TTC23L: variants seen among roughly 807,000 people sequenced by gnomAD.
TTC23L encodes the protein tetratricopeptide repeat protein 23-like.
Under a neutral mutation model 48.1 loss-of-function variants are expected in TTC23L, and 42 were observed. The observed-to-expected ratio is 0.87, with a 90% CI of 0.68 to 1.13. The LOEUF is 1.13. Ranked by LOEUF, TTC23L falls within the 50% of genes most tolerant of loss-of-function variation. The pLI is 0.00. For missense variants in TTC23L, 391 were observed against 421.0 expected, an observed-to-expected ratio of 0.93 and a Z score of 0.62; for synonymous variants, 159 against 157.2, an observed-to-expected ratio of 1.01 and a Z score of -0.09.
chr5:34,839,767 T>C (rs967606293), intron 1 of TTC23L: 7 of 447,996 alleles, frequency 1.6e-5, no homozygotes, highest in Non-Finnish European at 1.8e-5. Context: ...TTGGGTTTGA[T>C]TTAAGCGACT....
At chr5:34,911,795 G>A in the TTC23L span, 1,126 of 1,614,112 alleles carry the variant, frequency 7.0e-4, no homozygotes, top group Non-Finnish European at 9.1e-4. Flanking sequence ...TAACACATTC[G>A]AAGTGCAGTT....
At chr5:34,879,110 A>C (rs542817680) in intron 8 of TTC23L, among the ~76,000 whole-genome samples, 2 of 152,350 alleles carry the variant, frequency 1.3e-5, no homozygotes, top group Admixed American at 6.5e-5. Context: ...GTCAAGTATC[A>C]AGGTTTCACT....
chr5:34,908,838 T>C, the TTC23L span: 1 of 1,613,380 alleles, frequency 6.2e-7, no homozygotes, highest in South Asian at 1.1e-5. Flanking sequence ...TCCATCTTCA[T>C]TTCTAATCAT....
chr5:34,866,758 T>C, intron 6 of TTC23L, 134 bp from the exon 7 acceptor site: 1 of 747,048 alleles, frequency 1.3e-6, no homozygotes, highest in Admixed American at 3.0e-5. Context: ...ACAGCAAGGC[T>C]AGATTTTTGA....
the TTC23L span, chr5:34,911,531 A>C: frequency 6.2e-7 from 1 of 1,611,890 alleles, no homozygotes; most frequent in Non-Finnish European, 8.5e-7. Context: ...CACATTAACT[A>C]TAACTGCACT....
chr5:34,869,628 T>G (rs546195573), intron 8 of TTC23L: 2 of 152,560 alleles, frequency 1.3e-5, no homozygotes, highest in African/African-American at 2.4e-5. Context: ...TGGACACTGA[T>G]GGATTCAGTG....
intron 3 of TTC23L, among the ~76,000 whole-genome samples, chr5:34,847,607 C>T (rs1308101757): frequency 1.3e-5 from 2 of 152,024 alleles, no homozygotes; most frequent in Non-Finnish European, 2.9e-5. Flanking sequence ...CCCGGTTTCT[C>T]CAAGTCAAGG....
At chr5:34,845,623 A>G in exon 3 of TTC23L, 1 of 1,613,846 alleles carries the variant, frequency 6.2e-7, no homozygotes, top group African/African-American at 1.3e-5. Context: ...TCCCAAAGAG[A>G]AATTAGCCCA....
At chr5:34,888,635 T>C (rs2111766772) in intron 9 of TTC23L, 1 of 536,264 alleles carries the variant, frequency 1.9e-6, no homozygotes, top group Non-Finnish European at 2.4e-6. Flanking sequence ...TTCACTTCTA[T>C]CAGTCTTGCT....
In TTC23L at chr5:34,846,952, G is replaced by A. The variant is rs75906768; in HGVS notation, c.255+1279G>A. On this transcript the variant is annotated intron_variant, in intron 3 of 10. Coordinates refer to ENST00000505624, the Ensembl canonical transcript of TTC23L. ...GAGCAAGTCAAAGACTTGAGTCAAA[G>A]ATCTCAGAGCAGGTTTGTAAGCATG... Among the ~76,000 whole-genome samples, 1,441 of 152,164 alleles carry A rather than the reference G, an allele frequency of 9.5e-3. 24 individuals carry two copies. Among genetic ancestry groups the A allele is most frequent in the African/African-American group, 0.034 (1,395 of 41,494 alleles).
chr5:34,885,856 A>G lies in TTC23L; in HGVS notation c.1077+5548A>G, dbSNP rs371119988. On this transcript the variant is annotated intron_variant, in intron 9 of 10. Transcript: ENST00000505624. ...TGTATATTTATATATAGAGAGAGAC[A>G]TTACTTTTTAAGAAGAGAAAAATAA... is the stretch of plus-strand genomic sequence containing the variant. 2.6e-5 allele frequency among the ~76,000 whole-genome samples: 4 copies of G among 152,224 alleles called. No individual in the cohort carries two copies. In the South Asian group the frequency reaches 6.2e-4, roughly 24 times the overall value.
chr5:34,896,650 A>G, intron 9 of TTC23L, 120 bp from the exon 10 acceptor site: 1 of 712,194 alleles, frequency 1.4e-6, no homozygotes, highest in Non-Finnish European at 2.6e-6. Context: ...AAACATGAAG[A>G]AATAATAACA....
intron 4 of TTC23L, 107 bp from the exon 5 acceptor site, chr5:34,862,791 C>T: frequency 1.5e-6 from 2 of 1,305,960 alleles, no homozygotes; most frequent in Non-Finnish European, 1.1e-6. Flanking sequence ...TGCTATAGAC[C>T]ATACGACAAC....
intron 8 of TTC23L, among the ~76,000 whole-genome samples, chr5:34,876,758 C>T (rs551615883): frequency 1.4e-3 from 205 of 146,280 alleles, no homozygotes; most frequent in African/African-American, 5.1e-3. Flanking sequence ...CAAAATTAGA[C>T]AAAGATATTA....
At chr5:34,849,894 A>G (rs981459261) in intron 3 of TTC23L, among the ~76,000 whole-genome samples, 2 of 152,202 alleles carry the variant, frequency 1.3e-5, no homozygotes, top group Non-Finnish European at 2.9e-5. Flanking sequence ...TAGAAAGTAG[A>G]CTGTGAGGGC....
At chr5:34,889,881 C>T (rs1282603894) in intron 9 of TTC23L, among the ~76,000 whole-genome samples, 1 of 151,768 alleles carries the variant, frequency 6.6e-6, no homozygotes, top group African/African-American at 2.4e-5. Flanking sequence ...GCTCTGTCGC[C>T]AGGCTGTAGT....
intron 4 of TTC23L, among the ~76,000 whole-genome samples, chr5:34,855,504 G>A (rs984081850): frequency 6.6e-6 from 1 of 152,256 alleles, no homozygotes; most frequent in East Asian, 1.9e-4. Flanking sequence ...AAGAGTCTAC[G>A]AACGACAGAT....
the TTC23L span, among the ~76,000 whole-genome samples, chr5:34,917,597 G>A: frequency 6.6e-6 from 1 of 152,020 alleles, no homozygotes. Context: ...CCGAGATCGC[G>A]CCACTGCACT....
At chr5:34,906,854 C>T in the TTC23L span, 1 of 151,746 alleles carries the variant, frequency 6.6e-6, no homozygotes, top group Non-Finnish European at 1.5e-5. Context: ...TTTAACAGTC[C>T]TTAGAATGTT....
Sources: gnomAD v4.1 joint callset for allele counts (sites outside exome capture counted in the v4.1 genomes callset) on GRCh38, gnomAD v4.1.1 for gene constraint, MANE v1.5 for transcripts, NCBI Gene and HGNC (gene_info 2026-07-23, HGNC 2026-07-21) for gene names.